Variants in KBTBD3 observed in about 807,000 individuals in gnomAD.
The protein encoded by KBTBD3 is kelch repeat and BTB domain-containing protein 3.
KBTBD3 carries 38 observed loss-of-function variants against 49.6 expected under a neutral mutation model. The ratio of observed to expected loss-of-function variants is 0.77; its 90% CI spans 0.59 to 1.00. The LOEUF is 1.00. KBTBD3 is among the 50% of genes least tolerant of loss of function. The pLI, the probability that KBTBD3 is intolerant of heterozygous loss-of-function variation, is 0.00. For synonymous variants in KBTBD3, 214 were observed against 250.4 expected, an observed-to-expected ratio of 0.85 and a Z score of 1.37; for missense variants, 661 against 712.0, an observed-to-expected ratio of 0.93 and a Z score of 0.81.
chr11:106,060,153 GT>G (rs11345163), intron 2 of KBTBD3, among the ~76,000 whole-genome samples: 140,893 of 149,448 alleles, frequency 0.94, 66,865 homozygotes, highest in Non-Finnish European at 1. Context: ...TCCTTTTTTT[GT>G]TTTTTTTTTC....
chr11:106,058,624 A>G (rs774149647), intron 3 of KBTBD3: 15 of 435,748 alleles, frequency 3.4e-5, no homozygotes, highest in Non-Finnish European at 6.0e-5. Flanking sequence ...GAGTTTCACC[A>G]TGTTGGCCAG....
intron 3 of KBTBD3, among the ~76,000 whole-genome samples, chr11:106,057,072 G>A (rs1343455282): frequency 7.2e-5 from 11 of 152,076 alleles, no homozygotes; most frequent in Admixed American, 4.6e-4. Context: ...AGCCTCCATG[G>A]CCCCAGTAAA....
chr11:106,070,305 A>T (rs1860893560), intron 2 of KBTBD3, among the ~76,000 whole-genome samples: 1 of 152,090 alleles, frequency 6.6e-6, no homozygotes, highest in Non-Finnish European at 1.5e-5. Flanking sequence ...ATTTAAGAGG[A>T]TGAAAAGACA....
chr11:106,062,205 A>G (rs997314191), intron 2 of KBTBD3, among the ~76,000 whole-genome samples: 8 of 152,170 alleles, frequency 5.3e-5, no homozygotes, highest in East Asian at 1.9e-4. Flanking sequence ...GAGAGTGGGT[A>G]TCATGGAGGA....
chr11:106,052,173 G>C lies in KBTBD3; in HGVS notation c.*677C>G, dbSNP rs1860430866. On this transcript the variant is annotated 3_prime_UTR_variant, in exon 4 of 4. Transcript: ENST00000531837. ...AAGATTGAACCAGAAAATGAGAGGGGGGGAGGAGAGAGAGAGAGAGAGCTA... is the reference window on the plus strand; with the variant it reads ...AAGATTGAACCAGAAAATGAGAGGGCGGGAGGAGAGAGAGAGAGAGAGCTA... 1 of 151,618 alleles carries C rather than the reference G, an allele frequency of 6.6e-6. No homozygotes were observed. The highest frequency in any genetic ancestry group is 1.5e-5 in the Non-Finnish European group (1 of 67,760). 9.4% of individuals were successfully genotyped at this position (151,618 alleles called of 1,614,324 possible). A position where few individuals can be genotyped will look rare whatever the true frequency, so the allele number is the denominator to read the frequency against.
rs781673135 is a variant in KBTBD3 at position 106,054,313 on chromosome 11, A to T, written c.376T>A (p.Phe126Ile). The change falls in exon 4 of 4, where the codon TTC becomes ATC. Residue 126 changes from phenylalanine (F) to isoleucine (I), a missense_variant. Phe to Ile is a conservative substitution (Grantham distance 21). Transcript: ENST00000531837. The part of the protein sequence containing the change: ...KITDDNVEMF[F>I]QLSSFLQVSF... Reference sequence around the variant, plus strand: ...ACTTGAAGAAATGATGACAACTGGAAGAACATTTCCACATTATCATCTGTT... The same window carrying T: ...ACTTGAAGAAATGATGACAACTGGATGAACATTTCCACATTATCATCTGTT... 2.5e-6 allele frequency: 4 copies of T among 1,613,430 alleles called. No homozygotes were observed. In the South Asian group the frequency reaches 4.4e-5, roughly 18 times the overall value.
At chr11:106,063,639 A>G (rs1175383248) in intron 2 of KBTBD3, among the ~76,000 whole-genome samples, 1 of 152,224 alleles carries the variant, frequency 6.6e-6, no homozygotes, top group Non-Finnish European at 1.5e-5. Context: ...ATATTTTAAA[A>G]AATACATAAT....
intron 3 of KBTBD3, chr11:106,058,022 A>G: frequency 2.5e-6 from 1 of 398,562 alleles, no homozygotes; most frequent in Non-Finnish European, 4.4e-6. Flanking sequence ...AATGTTCCAG[A>G]GAACTTTGGG....
chr11:106,057,762 A>G (rs1860584929), intron 3 of KBTBD3: 1 of 310,472 alleles, frequency 3.2e-6, no homozygotes, highest in Admixed American at 5.0e-5. Flanking sequence ...TCCCTAATAT[A>G]AGGAGAGGAT....
chr11:106,055,369 A>G (rs1860530662), intron 3 of KBTBD3, among the ~76,000 whole-genome samples: 1 of 152,150 alleles, frequency 6.6e-6, no homozygotes, highest in South Asian at 2.1e-4. Flanking sequence ...CAGTGTTCCT[A>G]GTTGCCCAAA....
At chr11:106,065,558 GGT>G (rs762135755) in intron 2 of KBTBD3, among the ~76,000 whole-genome samples, 3 of 152,198 alleles carry the variant, frequency 2.0e-5, no homozygotes, top group Non-Finnish European at 4.4e-5. Flanking sequence ...ATCATCAAAA[GGT>G]GATGGGAAAA....
chr11:106,072,660 T>TTACTTGATAAAAGTA (rs1378911869), intron 2 of KBTBD3, among the ~76,000 whole-genome samples: 1 of 152,176 alleles, frequency 6.6e-6, no homozygotes, highest in Non-Finnish European at 1.5e-5. Flanking sequence ...ACAAAAATCA[T>TTACTTGATAAAAGTA]ATGCCACTTG....
intron 3 of KBTBD3, chr11:106,058,090 A>C: frequency 2.5e-6 from 1 of 397,504 alleles, no homozygotes; most frequent in Non-Finnish European, 4.4e-6. Context: ...ATTCTCTCCT[A>C]CTAAAAAATC....
intron 2 of KBTBD3, among the ~76,000 whole-genome samples, chr11:106,063,085 C>T (rs967998910): frequency 1.3e-5 from 2 of 152,214 alleles, no homozygotes; most frequent in African/African-American, 4.8e-5. Flanking sequence ...AATAAGATGG[C>T]TATTAGCCTG....
chr11:106,064,806 T>C (rs976089385), intron 2 of KBTBD3, among the ~76,000 whole-genome samples: 1 of 152,166 alleles, frequency 6.6e-6, no homozygotes, highest in African/African-American at 2.4e-5. Context: ...CTCTATGGCC[T>C]GTCTAAAATA....
rs1178179349 is a variant in KBTBD3, at chr11:106,051,251, C to T, written c.*1599G>A. ...GCCACACACACACAAACAAAAGCCTCCACTGAATTTTCCTTTTTCAAATAC... is the reference window on the plus strand; with the variant it reads ...GCCACACACACACAAACAAAAGCCTTCACTGAATTTTCCTTTTTCAAATAC... On this transcript the variant is annotated 3_prime_UTR_variant, in exon 4 of 4. Coordinates refer to ENST00000531837, the MANE Select transcript of KBTBD3 (RefSeq NM_198439.3). The T allele has an allele frequency of 6.6e-6, 1 of 151,864 alleles. No homozygotes were observed. Among genetic ancestry groups the T allele is most frequent in the Admixed American group, 6.6e-5 (1 of 15,212 alleles). 9.4% of individuals were successfully genotyped at this position (151,864 alleles called of 1,614,324 possible).
At chr11:106,059,579 T>C (rs896954482) in intron 2 of KBTBD3, among the ~76,000 whole-genome samples, 2 of 152,234 alleles carry the variant, frequency 1.3e-5, no homozygotes, top group African/African-American at 2.4e-5. Flanking sequence ...GGTTAGACTT[T>C]TACAAGATAA....
chr11:106,054,252 A>G lies in KBTBD3; in HGVS notation c.437T>C (p.Ile146Thr). Residue 146 changes from isoleucine (I) to threonine (T), a missense_variant, in exon 4 of 4, where the codon ATA (isoleucine) becomes ACA (threonine). By Grantham distance (89) the Ile-to-Thr change is moderately conservative. Transcript: ENST00000531837. ...FLSKACSDFL[I>T]KSINLVNCLQ... ...ACAATTGACAAGATTAATACTTTTT[A>G]TTAAAAAGTCACTGCAAGCTTTGGA... 6.2e-7 allele frequency: 1 copy of G among 1,611,912 alleles called. No homozygotes were observed. The highest frequency in any genetic ancestry group is 8.5e-7 in the Non-Finnish European group (1 of 1,178,982).
intron 2 of KBTBD3, among the ~76,000 whole-genome samples, chr11:106,068,043 G>T (rs576160152): frequency 6.6e-6 from 1 of 150,720 alleles, no homozygotes; most frequent in East Asian, 1.9e-4. Flanking sequence ...ATCCACCACC[G>T]AGAAGACTAG....
Sources: allele counts gnomAD v4.1 joint callset (sites outside exome capture counted in the v4.1 genomes callset), GRCh38; gene constraint gnomAD v4.1.1; transcripts MANE v1.5; gene names NCBI Gene and HGNC (gene_info 2026-07-23, HGNC 2026-07-21).